The following TMEM163 variants were observed in gnomAD, a reference collection of about 807,000 sequenced individuals.
The protein encoded by TMEM163 is transmembrane protein 163.
TMEM163 carries 17 observed loss-of-function variants against 29.3 expected under a neutral mutation model. The observed-to-expected ratio is 0.58, with a 90% CI of 0.40 to 0.87. TMEM163 has a LOEUF of 0.87. Ranked by LOEUF, TMEM163 falls within the 40% of genes least tolerant of loss-of-function variation. The pLI is 0.00. For synonymous variants in TMEM163, 157 were observed against 160.6 expected (o/e 0.98, Z 0.17); for missense variants, 303 against 381.5 (o/e 0.79, Z 1.71).
chr2:134,683,987 T>C (rs1407787655), intron 2 of TMEM163, among the ~76,000 whole-genome samples: 1 of 152,214 alleles, frequency 6.6e-6, no homozygotes, highest in African/African-American at 2.4e-5. Flanking sequence ...ATGGGCATTT[T>C]ACCAGCAATG....
intron 2 of TMEM163, among the ~76,000 whole-genome samples, chr2:134,636,859 C>A (rs1465067020): frequency 6.6e-6 from 1 of 152,210 alleles, no homozygotes; most frequent in Non-Finnish European, 1.5e-5. Flanking sequence ...AAACTGGCTC[C>A]TCTGGTCTTG....
intron 2 of TMEM163, among the ~76,000 whole-genome samples, chr2:134,681,179 C>A (rs1684223113): frequency 6.6e-6 from 1 of 152,192 alleles, no homozygotes; most frequent in South Asian, 2.1e-4. Flanking sequence ...AAATGTCCAA[C>A]ACAGCCACCC....
chr2:134,715,941 G>A (rs1685028970), intron 1 of TMEM163, among the ~76,000 whole-genome samples: 1 of 152,200 alleles, frequency 6.6e-6, no homozygotes, highest in African/African-American at 2.4e-5. Context: ...GTACTAATGA[G>A]AGACTGATCC....
At chr2:134,567,135 G>T (rs933256529) in intron 2 of TMEM163, among the ~76,000 whole-genome samples, 1 of 152,138 alleles carries the variant, frequency 6.6e-6, no homozygotes, top group Admixed American at 6.5e-5. Context: ...CTCTGTGTAT[G>T]TATAATATCT....
intron 5 of TMEM163, among the ~76,000 whole-genome samples, chr2:134,491,897 A>G (rs1325549775): frequency 6.6e-6 from 1 of 152,196 alleles, no homozygotes; most frequent in African/African-American, 2.4e-5. Flanking sequence ...GTCATTTCCT[A>G]GGTAACACTC....
intron 2 of TMEM163, among the ~76,000 whole-genome samples, chr2:134,615,554 C>G (rs191000402): frequency 7.9e-5 from 12 of 151,982 alleles, no homozygotes; most frequent in Admixed American, 6.6e-4. Flanking sequence ...CCATAGACAT[C>G]TCAATCAGTT....
At chr2:134,707,086 C>T (rs1415258837) in intron 2 of TMEM163, among the ~76,000 whole-genome samples, 1 of 152,230 alleles carries the variant, frequency 6.6e-6, no homozygotes, top group Admixed American at 6.5e-5. Context: ...CAGAACACCG[C>T]CAGGATGTGG....
chr2:134,593,145 T>A (rs949353960), intron 2 of TMEM163, among the ~76,000 whole-genome samples: 1 of 152,168 alleles, frequency 6.6e-6, no homozygotes, highest in Non-Finnish European at 1.5e-5. Context: ...TGTGAACTGA[T>A]AAGACCTAGC....
chr2:134,599,582 T>G (rs558876088), intron 2 of TMEM163, among the ~76,000 whole-genome samples: 25 of 152,292 alleles, frequency 1.6e-4, no homozygotes, highest in African/African-American at 5.8e-4. Flanking sequence ...CAAAGTTCTG[T>G]TGTTTCTAAG....
chr2:134,674,664 T>C (rs1289134325), intron 2 of TMEM163, among the ~76,000 whole-genome samples: 4 of 151,968 alleles, frequency 2.6e-5, no homozygotes, highest in Non-Finnish European at 4.4e-5. Flanking sequence ...TGCCGACTAA[T>C]GTTTAAAAAA....
At chr2:134,627,762 T>A (rs970379249) in intron 2 of TMEM163, among the ~76,000 whole-genome samples, 3 of 152,218 alleles carry the variant, frequency 2.0e-5, no homozygotes, top group Non-Finnish European at 4.4e-5. Context: ...AAATGTATTT[T>A]AGTGTATATG....
At chr2:134,543,181 C>T (rs932178700) in intron 4 of TMEM163, among the ~76,000 whole-genome samples, 1 of 152,168 alleles carries the variant, frequency 6.6e-6, no homozygotes, top group Non-Finnish European at 1.5e-5. Flanking sequence ...GCACCATAAC[C>T]CAGTAGTGTC....
At chr2:134,673,132 G>A (rs989270625) in intron 2 of TMEM163, among the ~76,000 whole-genome samples, 2 of 152,074 alleles carry the variant, frequency 1.3e-5, no homozygotes, top group Non-Finnish European at 2.9e-5. Context: ...ATGCACACAT[G>A]CCTAAAGTTT....
At chr2:134,702,917 A>G (rs571184780) in intron 2 of TMEM163, among the ~76,000 whole-genome samples, 1 of 152,318 alleles carries the variant, frequency 6.6e-6, no homozygotes, top group South Asian at 2.1e-4. Flanking sequence ...AAGTTTCAGA[A>G]GATCTTAGGA....
chr2:134,683,756 G>A (rs780748812), intron 2 of TMEM163, among the ~76,000 whole-genome samples: 5 of 152,140 alleles, frequency 3.3e-5, no homozygotes, highest in Non-Finnish European at 5.9e-5. Context: ...ATTTTGCTAT[G>A]AAAACAAATA....
chr2:134,473,777 T>C (rs1173318946), intron 5 of TMEM163, among the ~76,000 whole-genome samples: 1 of 152,082 alleles, frequency 6.6e-6, no homozygotes, highest in Non-Finnish European at 1.5e-5. Context: ...GCCAATAAAT[T>C]TGACAACTTA....
intron 2 of TMEM163, among the ~76,000 whole-genome samples, chr2:134,672,214 C>T (rs1027849261): frequency 2.0e-5 from 3 of 152,168 alleles, no homozygotes; most frequent in Non-Finnish European, 4.4e-5. Flanking sequence ...AGAGTGGAGA[C>T]ATTAAATAAG....
At chr2:134,561,908 G>C (rs1320022604) in intron 2 of TMEM163, among the ~76,000 whole-genome samples, 1 of 152,200 alleles carries the variant, frequency 6.6e-6, no homozygotes, top group Non-Finnish European at 1.5e-5. Context: ...GCAGTTGCTT[G>C]CCCAACAATT....
At chr2:134,590,558 G>A (rs956877207) in intron 2 of TMEM163, among the ~76,000 whole-genome samples, 1 of 152,184 alleles carries the variant, frequency 6.6e-6, no homozygotes, top group Non-Finnish European at 1.5e-5. Context: ...GTGCAAGAAA[G>A]AATTCAGGAT....
Sources: allele counts gnomAD v4.1 joint callset (sites outside exome capture counted in the v4.1 genomes callset), GRCh38; gene constraint gnomAD v4.1.1; transcripts MANE v1.5; gene names NCBI Gene and HGNC (gene_info 2026-07-23, HGNC 2026-07-21).